The following ALPK3 variants were observed in gnomAD, a reference collection of about 807,000 sequenced individuals.
ALPK3 encodes the protein alpha-protein kinase 3.
ALPK3 carries 102 observed loss-of-function variants against 140.0 expected under a neutral mutation model. That is an observed-to-expected ratio of 0.73 (90% CI 0.62 to 0.86). The LOEUF is 0.86. Among genes scored for constraint, ALPK3 ranks in the 40% least tolerant of loss-of-function variants. The pLI is 0.00. For synonymous variants in ALPK3, 938 were observed against 898.5 expected (o/e 1.04, Z -0.79); for missense variants, 2,254 against 2,208.2 (o/e 1.02, Z -0.42).
intron 5 of ALPK3, among the ~76,000 whole-genome samples, chr15:84,844,578 C>T (rs745938549): frequency 6.6e-6 from 1 of 152,010 alleles, no homozygotes. Flanking sequence ...TGGAAAAGGC[C>T]GAGCGCAGTG....
Position 84,817,498 on chromosome 15 carries a change from C to T in ALPK3, c.46C>T (p.Arg16Trp). 6.6e-6 allele frequency: 6 copies of T among 915,742 alleles called. No individual in the cohort carries two copies. The highest frequency in any genetic ancestry group is 9.3e-6 in the Non-Finnish European group (6 of 642,736). 56.7% of individuals were successfully genotyped at this position (915,742 alleles called of 1,614,324 possible). Residue 16 changes from arginine (R) to tryptophan (W), a missense_variant, in exon 1 of 14, where the codon CGG becomes TGG. By Grantham distance (101) the Arg-to-Trp change is moderately radical. Around this residue, in one of 3 missense-constraint regions of ALPK3, gnomAD observed 2,088 missense variants for 2,022.9 expected, o/e 1.03. Transcript: ENST00000258888. The part of the protein sequence containing the change: ...APSRGWGAGG[R>W]SGAGGDGEDD... ...CAGCCGGGGCTGGGGCGCGGGTGGG[C>T]GGTCGGGGGCGGGGGGCGACGGTGA...
rs1444549839 is a variant in ALPK3 at position 84,817,379 on chromosome 15, G to T, written c.-74G>T. The stretch of plus-strand genomic sequence containing the variant: ...GCGGGAGCGGCGGCGGCGGGCAGGG[G>T]CCCGGGGGCCGGGGCCTGGAGGACA... On this transcript the variant is annotated 5_prime_UTR_variant, in exon 1 of 14. Transcript: ENST00000258888. The T allele has an allele frequency of 4.9e-6, 6 of 1,221,600 alleles. No homozygotes were observed. The highest frequency in any genetic ancestry group is 3.3e-5 in the East Asian group (1 of 29,888). 75.7% of individuals were successfully genotyped at this position (1,221,600 alleles called of 1,614,324 possible).
Position 84,857,639 on chromosome 15 carries a change from G to A in ALPK3, c.2901G>A (p.Leu967=), listed in dbSNP as rs1963882377. 1 of 1,591,066 alleles carries A rather than the reference G, an allele frequency of 6.3e-7. No homozygotes were observed. The highest frequency in any genetic ancestry group is 2.3e-5 in the East Asian group (1 of 44,414). ...IDSLKNYLLL[L]LKLSSTETSG... Reference sequence around the variant, plus strand: ...CCCTGAAGAACTACCTGCTTCTGCTGCTGAAGCTGTCCAGCACAGAGACAA... The same window carrying A: ...CCCTGAAGAACTACCTGCTTCTGCTACTGAAGCTGTCCAGCACAGAGACAA... The change falls in exon 6 of 14, where the codon CTG becomes CTA. Residue 967 remains leucine (L), a synonymous_variant. Transcript: ENST00000258888.
chr15:84,859,382 G>A lies in ALPK3; in HGVS notation c.3957G>A (p.Val1319=). The part of the protein sequence containing the change: ...WAKDQRPVGE[V]GRSAGDEGPA... ...AGGATCAGCGCCCAGTGGGCGAGGTGGGCAGGAGGTAAGCCAACGACACCA... is the reference window on the plus strand; with the variant it reads ...AGGATCAGCGCCCAGTGGGCGAGGTAGGCAGGAGGTAAGCCAACGACACCA... Residue 1319 remains valine, a synonymous_variant, in exon 7 of 14, where the codon GTG becomes GTA. Coordinates refer to ENST00000258888, the MANE Select transcript of ALPK3 (RefSeq NM_020778.5). The A allele has an allele frequency of 6.2e-7, 1 of 1,614,092 alleles. No homozygotes were observed. The highest frequency in any genetic ancestry group is 1.1e-5 in the South Asian group (1 of 91,056).
intron 9 of ALPK3, among the ~76,000 whole-genome samples, chr15:84,860,848 C>A (rs1963936018): frequency 6.6e-6 from 1 of 152,126 alleles, no homozygotes; most frequent in Admixed American, 6.5e-5. Context: ...TCAGCCTCCC[C>A]AGTACCTGGG....
intron 5 of ALPK3, among the ~76,000 whole-genome samples, chr15:84,855,345 C>G (rs1427358584): frequency 6.6e-6 from 1 of 152,212 alleles, no homozygotes; most frequent in Non-Finnish European, 1.5e-5. Flanking sequence ...TATCACTTTG[C>G]TCCTCCTCAG....
rs763311605 is a variant in ALPK3 at position 84,857,633 on chromosome 15, TCTG to T, written c.2902_2904del (p.Leu968del). On this transcript the variant is annotated inframe_deletion, in exon 6 of 14. Coordinates refer to ENST00000258888, the MANE Select transcript of ALPK3 (RefSeq NM_020778.5). ...TAGATTCCCTGAAGAACTACCTGCT[TCTG>T]CTGCTGAAGCTGTCCAGCACAGAGA... 9 of 1,586,860 alleles carry T rather than the reference TCTG, an allele frequency of 5.7e-6. No individual in the cohort carries two copies. The East Asian group carries it at 1.8e-4, about 32-fold the overall frequency.
chr15:84,829,425 G>A (rs1232054314), intron 3 of ALPK3, among the ~76,000 whole-genome samples: 2 of 152,228 alleles, frequency 1.3e-5, no homozygotes, highest in Non-Finnish European at 2.9e-5. Flanking sequence ...AAAGAATACT[G>A]TAAAAGTTAG....
At chr15:84,826,223 TC>T (rs1433751810) in intron 2 of ALPK3, among the ~76,000 whole-genome samples, 1 of 152,164 alleles carries the variant, frequency 6.6e-6, no homozygotes, top group Non-Finnish European at 1.5e-5. Context: ...GAATGTGGAA[TC>T]CCTCCCCACA....
At chr15:84,855,616 T>C (rs771076496) in intron 5 of ALPK3, among the ~76,000 whole-genome samples, 1 of 152,164 alleles carries the variant, frequency 6.6e-6, no homozygotes, top group Non-Finnish European at 1.5e-5. Flanking sequence ...TGGAGTGAGA[T>C]ACACCCGGCT....
At chr15:84,842,122 C>T (rs1159825692) in intron 5 of ALPK3, among the ~76,000 whole-genome samples, 4 of 152,244 alleles carry the variant, frequency 2.6e-5, no homozygotes, top group African/African-American at 9.6e-5. Flanking sequence ...CAGCCTCCGG[C>T]TCCCGGGTTC....
Position 84,856,929 on chromosome 15 carries a change from A to G in ALPK3, c.2191A>G (p.Ser731Gly), listed in dbSNP as rs1489571573. Reference protein sequence around the residue: ...EGQSEQEVATSLGPPSRTPKL... With the variant: ...EGQSEQEVATGLGPPSRTPKL... ...TCAGTCTGAGCAAGAGGTGGCAACC[A>G]GCCTCGGCCCACCATCCAGAACCCC... is the stretch of plus-strand genomic sequence containing the variant. The change falls in exon 6 of 14, where the codon AGC (serine) becomes GGC (glycine). Residue 731 changes from serine (S) to glycine (G), a missense_variant. This residue lies in a region of ALPK3 where 2,088 missense variants were observed against 2,022.9 expected (regional missense o/e 1.03). Coordinates refer to ENST00000258888, the MANE Select transcript of ALPK3 (RefSeq NM_020778.5). 1 of 1,613,950 alleles carries G rather than the reference A, an allele frequency of 6.2e-7. No individual in the cohort carries two copies. The highest frequency in any genetic ancestry group is 8.5e-7 in the Non-Finnish European group (1 of 1,179,982).
intron 12 of ALPK3, 99 bp downstream of exon 12, chr15:84,864,764 C>G: frequency 8.1e-7 from 1 of 1,233,138 alleles, no homozygotes; most frequent in Non-Finnish European, 1.1e-6. Context: ...TTACAAAGCA[C>G]CTTTGTCTTT....
At chr15:84,830,319 G>C (rs973925402) in intron 3 of ALPK3, among the ~76,000 whole-genome samples, 3 of 152,180 alleles carry the variant, frequency 2.0e-5, no homozygotes, top group African/African-American at 7.2e-5. Flanking sequence ...TCTTCCCTTT[G>C]CTTTTCTGTG....
In ALPK3 at chr15:84,840,892, G is replaced by T; in HGVS notation, c.1613G>T (p.Ser538Ile). The T allele has an allele frequency of 6.2e-7, 1 of 1,611,598 alleles. No individual in the cohort carries two copies. Among genetic ancestry groups the T allele is most frequent in the Non-Finnish European group, 8.5e-7 (1 of 1,178,970 alleles). ...PARRRHGTRD[S>I]TLQGQAGHRT... is the part of the protein sequence containing the mutation. ...CGGCGGAGACATGGCACCCGGGACA[G>T]CACGTTGCAGGGGCAAGCAGGCCAC... Residue 538 changes from serine (S) to isoleucine (I), a missense_variant, in exon 5 of 14, where the codon AGC becomes ATC. Ser to Ile is a moderately radical substitution (Grantham distance 142). This residue lies in a region of ALPK3 where 2,088 missense variants were observed against 2,022.9 expected (regional missense o/e 1.03). Coordinates refer to ENST00000258888, the MANE Select transcript of ALPK3 (RefSeq NM_020778.5).
At chr15:84,862,581 A>G in intron 9 of ALPK3, 54 bp from the exon 10 acceptor site, 1 of 1,545,258 alleles carries the variant, frequency 6.5e-7, no homozygotes, top group Non-Finnish European at 8.7e-7. Flanking sequence ...TGTGAGCCCC[A>G]CATTGGTGAG....
At chr15:84,846,044 G>A (rs1461545604) in intron 5 of ALPK3, among the ~76,000 whole-genome samples, 2 of 152,048 alleles carry the variant, frequency 1.3e-5, no homozygotes, top group Non-Finnish European at 2.9e-5. Context: ...CTCCAGCCTG[G>A]GTGACAGAGT....
Position 84,856,740 on chromosome 15 carries a change from G to C in ALPK3, c.2002G>C (p.Glu668Gln), listed in dbSNP as rs1963866451. 6.2e-7 allele frequency: 1 copy of C among 1,614,120 alleles called. No individual in the cohort carries two copies. The highest frequency in any genetic ancestry group is 1.3e-5 in the African/African-American group (1 of 75,020). ...QKGMMTQGRAETQLETTQAGE... is the reference protein window; with the variant it reads ...QKGMMTQGRAQTQLETTQAGE... Reference sequence around the variant, plus strand: ...GGGCATGATGACACAGGGAAGGGCAGAGACACAGCTAGAAACAACACAGGC... The same window carrying C: ...GGGCATGATGACACAGGGAAGGGCACAGACACAGCTAGAAACAACACAGGC... Residue 668 changes from glutamate (E) to glutamine (Q), a missense_variant, in exon 6 of 14, where the codon GAG becomes CAG. Physicochemically the swap from Glu to Gln is conservative, Grantham distance 29. Around this residue, in one of 3 missense-constraint regions of ALPK3, gnomAD observed 2,088 missense variants for 2,022.9 expected, o/e 1.03. Coordinates refer to ENST00000258888, the MANE Select transcript of ALPK3 (RefSeq NM_020778.5).
chr15:84,850,488 A>G (rs768221003), intron 5 of ALPK3, among the ~76,000 whole-genome samples: 1 of 152,078 alleles, frequency 6.6e-6, no homozygotes, highest in East Asian at 1.9e-4. Flanking sequence ...GGCTCAAGCA[A>G]TTCTCCCACC....
Sources: gnomAD v4.1 joint callset for allele counts (sites outside exome capture counted in the v4.1 genomes callset) on GRCh38, gnomAD v4.1.1 for gene constraint, gnomAD v4.1.1 regional missense constraint, MANE v1.5 for transcripts, NCBI Gene and HGNC (gene_info 2026-07-23, HGNC 2026-07-21) for gene names.